The following DYRK1A variants were observed in gnomAD, a reference collection of about 807,000 sequenced individuals.
DYRK1A encodes dual specificity tyrosine phosphorylation regulated kinase 1A.
Under a neutral mutation model 79.7 loss-of-function variants are expected in DYRK1A, and 9 were observed. The observed-to-expected ratio is 0.11, with a 90% CI of 0.07 to 0.20. The LOEUF (loss-of-function observed/expected upper bound fraction) is 0.20. DYRK1A is among the 10% of genes least tolerant of loss of function. The probability of loss-of-function intolerance (pLI) is 1.00; values close to 1 mark genes in which losing one functional copy is unlikely to be tolerated. For missense variants in DYRK1A, 622 were observed against 956.0 expected (o/e 0.65, Z 4.61); for synonymous variants, 349 against 329.7 (o/e 1.06, Z -0.63).
At chr21:37,401,673 G>T (rs143636828) in intron 1 of DYRK1A, among the ~76,000 whole-genome samples, 1,536 of 152,014 alleles carry the variant, frequency 0.01, 22 homozygotes, top group African/African-American at 0.034. Flanking sequence ...AGTAGAGACA[G>T]GGTTTCACCA....
intron 1 of DYRK1A, among the ~76,000 whole-genome samples, chr21:37,412,457 T>C (rs1270355593): frequency 6.6e-6 from 1 of 152,180 alleles, no homozygotes; most frequent in Non-Finnish European, 1.5e-5. Flanking sequence ...ACAAAACACA[T>C]ATTCTTAGGT....
Position 37,478,180 on chromosome 21 carries a change from G to A in DYRK1A, c.208-28G>A, listed in dbSNP as rs552103257. The A allele has an allele frequency of 1.4e-5, 22 of 1,613,640 alleles. No homozygotes were observed. The highest frequency in any genetic ancestry group is 1.8e-5 in the Non-Finnish European group (21 of 1,179,882). On this transcript the variant is annotated intron_variant, in intron 3 of 11. Coordinates refer to ENST00000647188, the MANE Select transcript of DYRK1A (RefSeq NM_001347721.2). Reference sequence around the variant, plus strand: ...GTGCTAGTCTTTTCTGTCTATTTAAGGTGATGCCTGATATTGTCATGTTAC... The same window carrying A: ...GTGCTAGTCTTTTCTGTCTATTTAAAGTGATGCCTGATATTGTCATGTTAC...
intron 1 of DYRK1A, among the ~76,000 whole-genome samples, chr21:37,379,187 G>T (rs1041142153): frequency 1.3e-5 from 2 of 152,070 alleles, no homozygotes; most frequent in African/African-American, 4.8e-5. Context: ...TTTCAGCAGG[G>T]ATTAGGACAG....
intron 2 of DYRK1A, among the ~76,000 whole-genome samples, chr21:37,423,531 ACCTG>A: frequency 6.6e-6 from 1 of 152,298 alleles, no homozygotes; most frequent in South Asian, 2.1e-4. Flanking sequence ...ATATAAAGAA[ACCTG>A]TGTAAACCAG....
chr21:37,376,188 T>C (rs776513980), intron 1 of DYRK1A, among the ~76,000 whole-genome samples: 11 of 152,080 alleles, frequency 7.2e-5, no homozygotes, highest in Non-Finnish European at 1.3e-4. Flanking sequence ...AAGAACACAG[T>C]CCATGTGCCC....
At chr21:37,417,325 G>T (rs2050362576) in intron 1 of DYRK1A, among the ~76,000 whole-genome samples, 1 of 151,732 alleles carries the variant, frequency 6.6e-6, no homozygotes, top group African/African-American at 2.4e-5. Flanking sequence ...TGAGTAGCTG[G>T]GATTACAGGG....
In DYRK1A at chr21:37,480,810, A is replaced by T; in HGVS notation, c.473A>T (p.Lys158Ile). ...DRYEIDSLIG[K>I]GSFGQVVKAY... The stretch of plus-strand genomic sequence containing the variant: ...TACGAAATTGACTCCTTGATAGGCA[A>T]AGGTTCCTTTGGACAGGTAATTTAA... Residue 158 changes from lysine (K) to isoleucine (I), a missense_variant, in exon 5 of 12, where the codon AAA (lysine) becomes ATA (isoleucine). Coordinates refer to ENST00000647188, the MANE Select transcript of DYRK1A (RefSeq NM_001347721.2). 6.2e-7 allele frequency: 1 copy of T among 1,602,994 alleles called. No homozygotes were observed. The highest frequency in any genetic ancestry group is 8.5e-7 in the Non-Finnish European group (1 of 1,176,182).
intron 2 of DYRK1A, among the ~76,000 whole-genome samples, chr21:37,463,091 C>T (rs573092710): frequency 1.7e-4 from 26 of 151,952 alleles, no homozygotes; most frequent in East Asian, 3.9e-4. Context: ...ATTTTATTTA[C>T]GTCTTATATG....
intron 2 of DYRK1A, among the ~76,000 whole-genome samples, chr21:37,429,822 G>A (rs924281314): frequency 6.6e-6 from 1 of 152,202 alleles, no homozygotes; most frequent in African/African-American, 2.4e-5. Flanking sequence ...AGAACGAAAT[G>A]TCAGTTTTCC....
chr21:37,468,616 A>T (rs1383327609), intron 2 of DYRK1A, among the ~76,000 whole-genome samples: 1 of 152,186 alleles, frequency 6.6e-6, no homozygotes, highest in East Asian at 1.9e-4. Flanking sequence ...GCAGTGGAGA[A>T]TGTTTGTCTT....
intron 1 of DYRK1A, among the ~76,000 whole-genome samples, chr21:37,393,555 G>A (rs2049909073): frequency 6.6e-6 from 1 of 152,118 alleles, no homozygotes; most frequent in African/African-American, 2.4e-5. Flanking sequence ...TTTCAAATCA[G>A]GAGATAAATT....
At chr21:37,468,600 T>C (rs1301726285) in intron 2 of DYRK1A, among the ~76,000 whole-genome samples, 4 of 152,208 alleles carry the variant, frequency 2.6e-5, no homozygotes, top group Non-Finnish European at 4.4e-5. Flanking sequence ...AGGATGGGGT[T>C]ACAGAGCAGT....
intron 2 of DYRK1A, among the ~76,000 whole-genome samples, chr21:37,451,421 T>C (rs1440145523): frequency 7.6e-6 from 1 of 130,816 alleles, no homozygotes; most frequent in African/African-American, 2.8e-5. Context: ...GCTCCATTCC[T>C]GTAAACGCCC....
Position 37,493,083 on chromosome 21 carries a change from C to T in DYRK1A, c.991C>T (p.Leu331Phe). 6.2e-7 allele frequency: 1 copy of T among 1,613,520 alleles called. No homozygotes were observed. Among genetic ancestry groups the T allele is most frequent in the Non-Finnish European group, 8.5e-7 (1 of 1,179,582 alleles). ...PEVLLGMPYD[L>F]AIDMWSLGCI... ...GGTGCTACTGGGAATGCCTTATGAC[C>T]TTGCCATTGATATGTGGTCCCTCGG... Residue 331 changes from leucine to phenylalanine, a missense_variant, in exon 8 of 12, where the codon CTT becomes TTT. Coordinates refer to ENST00000647188, the MANE Select transcript of DYRK1A (RefSeq NM_001347721.2).
chr21:37,389,706 G>A (rs1395977993), intron 1 of DYRK1A, among the ~76,000 whole-genome samples: 1 of 151,248 alleles, frequency 6.6e-6, no homozygotes, highest in Non-Finnish European at 1.5e-5. Flanking sequence ...CTTTGCGAGG[G>A]TGAGGCTTGT....
chr21:37,502,074 ATGGTGTGTG>A (rs1386271305), intron 9 of DYRK1A: 1 of 152,120 alleles, frequency 6.6e-6, no homozygotes, highest in Admixed American at 6.5e-5. Flanking sequence ...TGATATTTTC[ATGGTGTGTG>A]TGTGTAGATA....
intron 9 of DYRK1A, among the ~76,000 whole-genome samples, chr21:37,500,150 A>T (rs1569390681): frequency 6.6e-6 from 1 of 152,102 alleles, no homozygotes; most frequent in Non-Finnish European, 1.5e-5. Context: ...GAATGAAGAC[A>T]GTTTTGTTTT....
At position 37,500,492 on chromosome 21, in the gene DYRK1A, G is replaced by C. The variant is rs554758280; in HGVS notation, c.1212+4234G>C. On this transcript the variant is annotated intron_variant, in intron 9 of 11. Transcript: ENST00000647188. ...TTGTGCTGGACTTGTGAAACTATTA[G>C]GAAATATTTTTTCTTGATTTTCTGA... 1.8e-4 allele frequency among the ~76,000 whole-genome samples: 28 copies of C among 152,142 alleles called. No homozygotes were observed. In the South Asian group the frequency reaches 1.9e-3, roughly 10 times the overall value.
intron 2 of DYRK1A, among the ~76,000 whole-genome samples, chr21:37,455,099 C>T (rs1319309194): frequency 6.8e-6 from 1 of 146,180 alleles, no homozygotes; most frequent in African/African-American, 2.6e-5. Flanking sequence ...GCTCCCAGGA[C>T]AATTCTTGGG....
Sources: gnomAD v4.1 joint callset for allele counts (sites outside exome capture counted in the v4.1 genomes callset) on GRCh38, gnomAD v4.1.1 for gene constraint, MANE v1.5 for transcripts, NCBI Gene and HGNC (gene_info 2026-07-23, HGNC 2026-07-21) for gene names.